The following BATF variants were observed in gnomAD, a reference collection of about 807,000 sequenced individuals.
BATF encodes basic leucine zipper ATF-like transcription factor, also known as basic leucine zipper transcriptional factor ATF-like.
BATF carries 5 observed loss-of-function variants against 13.7 expected under a neutral mutation model. The observed-to-expected ratio is 0.36, with a 90% CI of 0.19 to 0.77. The LOEUF (loss-of-function observed/expected upper bound fraction) is 0.77. Ranked by LOEUF, BATF falls within the 30% of genes least tolerant of loss-of-function variation. The probability of loss-of-function intolerance (pLI) is 0.51; values close to 1 mark genes in which losing one functional copy is unlikely to be tolerated. For synonymous variants in BATF, 72 were observed against 67.5 expected (o/e 1.07, Z -0.33); for missense variants, 124 against 163.0 (o/e 0.76, Z 1.30).
In BATF at chr14:75,522,690, A is replaced by G. The variant is rs1157466513; in HGVS notation, c.8A>G (p.His3Arg). 7.4e-6 allele frequency: 12 copies of G among 1,614,000 alleles called. No individual in the cohort carries two copies. Among genetic ancestry groups the G allele is most frequent in the Non-Finnish European group, 1.0e-5 (12 of 1,180,016 alleles). ...GCCCGGAAGATTTCAGCCATGCCTC[A>G]CAGCTCCGACAGCAGTGACTCCAGC... The part of the protein sequence containing the change: MP[H>R]SSDSSDSSFS... Residue 3 changes from histidine to arginine, a missense_variant, in exon 1 of 3, where the codon CAC becomes CGC. His to Arg is a conservative substitution (Grantham distance 29). Around this residue, in one of 2 missense-constraint regions of BATF, gnomAD observed 65 missense variants for 113.3 expected, o/e 0.57. Coordinates refer to ENST00000286639, the MANE Select transcript of BATF (RefSeq NM_006399.5).
chr14:75,524,560 T>C (rs955395788), intron 1 of BATF, among the ~76,000 whole-genome samples: 1 of 152,140 alleles, frequency 6.6e-6, no homozygotes. Context: ...AGCCTCAGTT[T>C]CCTCACATAT....
intron 2 of BATF, among the ~76,000 whole-genome samples, chr14:75,528,788 T>C (rs1887689466): frequency 6.6e-6 from 1 of 152,186 alleles, no homozygotes; most frequent in Admixed American, 6.5e-5. Context: ...TTTGAAATAA[T>C]AAGAGAATGC....
At chr14:75,534,592 C>T (rs994738949) in intron 2 of BATF, among the ~76,000 whole-genome samples, 3 of 152,206 alleles carry the variant, frequency 2.0e-5, no homozygotes, top group Non-Finnish European at 2.9e-5. Context: ...GAGAAAGACA[C>T]ATGGAAAGTT....
At chr14:75,529,060 A>C (rs1001165967) in intron 2 of BATF, among the ~76,000 whole-genome samples, 7 of 152,248 alleles carry the variant, frequency 4.6e-5, no homozygotes, top group African/African-American at 1.7e-4. Flanking sequence ...TCCCAATAAA[A>C]AACCCAATAG....
Position 75,526,158 on chromosome 14 carries a change from T to A in BATF, c.168+970T>A, listed in dbSNP as rs555633527. 7.7e-4 allele frequency among the ~76,000 whole-genome samples: 117 copies of A among 152,308 alleles called. 1 individual carries two copies. The highest frequency in any genetic ancestry group is 2.7e-3 in the African/African-American group (114 of 41,560). Reference sequence around the variant, plus strand: ...TTCCGCCAGTGGCCAAGGCCCTAGATGGTGTTTCTAGGTTCTGGCTGTGCC... The same window carrying A: ...TTCCGCCAGTGGCCAAGGCCCTAGAAGGTGTTTCTAGGTTCTGGCTGTGCC... On this transcript the variant is annotated intron_variant, in intron 2 of 2. Coordinates refer to ENST00000286639, the MANE Select transcript of BATF (RefSeq NM_006399.5).
At chr14:75,535,259 A>T (rs1448834112) in intron 2 of BATF, among the ~76,000 whole-genome samples, 1 of 152,126 alleles carries the variant, frequency 6.6e-6, no homozygotes, top group Non-Finnish European at 1.5e-5. Context: ...TAAAAATAAA[A>T]ATAAAAATAA....
intron 2 of BATF, among the ~76,000 whole-genome samples, chr14:75,531,183 G>A (rs1887725586): frequency 6.6e-6 from 1 of 152,082 alleles, no homozygotes; most frequent in African/African-American, 2.4e-5. Flanking sequence ...CAGCCCTTGG[G>A]AGAACCAACT....
At position 75,535,881 on chromosome 14, in the gene BATF, AC is replaced by A. The variant is rs749763711; in HGVS notation, c.169-10580del. 5.3e-5 allele frequency among the ~76,000 whole-genome samples: 8 copies of A among 152,342 alleles called. No individual in the cohort carries two copies. In the South Asian group the frequency reaches 1.7e-3, roughly 32 times the overall value. On this transcript the variant is annotated intron_variant, in intron 2 of 2. Transcript: ENST00000286639. The stretch of plus-strand genomic sequence containing the variant: ...ATTTCCTGCAACTGAGGACCCTGTA[AC>A]TAAAAAAGGGTACTCAGCTGGCATA...
intron 2 of BATF, among the ~76,000 whole-genome samples, chr14:75,539,485 C>A (rs1037073421): frequency 8.6e-6 from 1 of 115,928 alleles, no homozygotes; most frequent in Non-Finnish European, 1.6e-5. Context: ...TAGAGGAAGG[C>A]AAGGCAGAAG....
chr14:75,544,792 ATTTTT>A (rs55834315), intron 2 of BATF, among the ~76,000 whole-genome samples: 1 of 134,210 alleles, frequency 7.5e-6, no homozygotes, highest in African/African-American at 2.9e-5. Context: ...TTGAACTGAA[ATTTTT>A]TTTTTTTTTT....
intron 2 of BATF, among the ~76,000 whole-genome samples, chr14:75,543,965 C>T (rs1344385049): frequency 6.6e-6 from 1 of 152,146 alleles, no homozygotes; most frequent in Non-Finnish European, 1.5e-5. Context: ...GTCAAGTTAT[C>T]TTACATCTGC....
At position 75,523,887 on chromosome 14, in the gene BATF, C is replaced by T. The variant is rs147358259; in HGVS notation, c.63+1142C>T. Among the ~76,000 whole-genome samples the T allele has an allele frequency of 5.1e-3, 771 of 152,284 alleles. 1 individual carries two copies. The highest frequency in any genetic ancestry group is 0.015 in the African/African-American group (633 of 41,554). On this transcript the variant is annotated intron_variant, in intron 1 of 2. Coordinates refer to ENST00000286639, the MANE Select transcript of BATF (RefSeq NM_006399.5). ...GCTGCTCAAGATGGTGTCAGAGTGG[C>T]TCTGACTGCCTGGAAGTTTGTACTT... is the stretch of plus-strand genomic sequence containing the variant.
At chr14:75,528,339 G>C (rs1315648166) in intron 2 of BATF, among the ~76,000 whole-genome samples, 1 of 152,168 alleles carries the variant, frequency 6.6e-6, no homozygotes, top group Non-Finnish European at 1.5e-5. Context: ...TTAAAATACT[G>C]AAACAATTAT....
intron 2 of BATF, among the ~76,000 whole-genome samples, chr14:75,544,792 ATTT>A (rs55834315): frequency 8.2e-5 from 11 of 134,206 alleles, no homozygotes; most frequent in African/African-American, 2.3e-4. Flanking sequence ...TTGAACTGAA[ATTT>A]TTTTTTTTTT....
At chr14:75,535,848 A>G (rs1451160774) in intron 2 of BATF, among the ~76,000 whole-genome samples, 1 of 152,228 alleles carries the variant, frequency 6.6e-6, no homozygotes, top group Non-Finnish European at 1.5e-5. Flanking sequence ...TCCTATGACC[A>G]AAATGTGATT....
intron 2 of BATF, among the ~76,000 whole-genome samples, chr14:75,539,538 T>C (rs1887866480): frequency 6.6e-6 from 1 of 150,852 alleles, no homozygotes; most frequent in South Asian, 2.1e-4. Context: ...ATAGTTTTTT[T>C]CACATTTGAG....
chr14:75,522,635 G>A lies in BATF; in HGVS notation c.-48G>A, dbSNP rs778728129. The A allele has an allele frequency of 6.2e-7, 1 of 1,611,320 alleles. No homozygotes were observed. Among genetic ancestry groups the A allele is most frequent in the Non-Finnish European group, 8.5e-7 (1 of 1,177,540 alleles). ...AGGGAGCCCAGCTGGTGACAAGAGA[G>A]CCCAGAGGTGCCTGGGGCTGAGTGT... On this transcript the variant is annotated 5_prime_UTR_variant, in exon 1 of 3. Transcript: ENST00000286639.
intron 2 of BATF, among the ~76,000 whole-genome samples, chr14:75,541,325 T>C (rs533002290): frequency 2.0e-5 from 3 of 152,278 alleles, no homozygotes; most frequent in African/African-American, 7.2e-5. Flanking sequence ...CAACTGGAGC[T>C]GAATAGGGAA....
At chr14:75,542,585 C>T (rs1033726612) in intron 2 of BATF, among the ~76,000 whole-genome samples, 1 of 152,234 alleles carries the variant, frequency 6.6e-6, no homozygotes, top group African/African-American at 2.4e-5. Flanking sequence ...CCAGAGGGGA[C>T]TGGGCAATAG....
Sources: gnomAD v4.1 joint callset for allele counts (sites outside exome capture counted in the v4.1 genomes callset) on GRCh38, gnomAD v4.1.1 for gene constraint, gnomAD v4.1.1 regional missense constraint, MANE v1.5 for transcripts, NCBI Gene and HGNC (gene_info 2026-07-23, HGNC 2026-07-21) for gene names.